Variants in DTWD1 observed in about 807,000 individuals in gnomAD.
The protein encoded by DTWD1 is tRNA-uridine aminocarboxypropyltransferase 1.
A neutral mutation model predicts 30.2 loss-of-function variants in DTWD1; 27 were observed. That is an observed-to-expected ratio of 0.90 (90% CI 0.66 to 1.23). The LOEUF (loss-of-function observed/expected upper bound fraction) is 1.23. DTWD1 is among the 50% of genes most tolerant of loss of function. The pLI is 0.00. For synonymous variants in DTWD1, 99 were observed against 113.1 expected, an observed-to-expected ratio of 0.88 and a Z score of 0.79; for missense variants, 342 against 348.8, an observed-to-expected ratio of 0.98 and a Z score of 0.15.
chr15:49,639,691 A>G (rs1598664132), intron 4 of DTWD1, among the ~76,000 whole-genome samples: 1 of 152,360 alleles, frequency 6.6e-6, no homozygotes. Flanking sequence ...ATGCATACAT[A>G]TATGAGAATG....
chr15:49,621,336 A>G (rs966820771), intron 1 of DTWD1: 1 of 152,064 alleles, frequency 6.6e-6, no homozygotes, highest in Non-Finnish European at 1.5e-5. Flanking sequence ...AAAGGTTTCC[A>G]AATTTTTCCT....
intron 4 of DTWD1, among the ~76,000 whole-genome samples, chr15:49,637,294 A>G (rs2079014371): frequency 6.6e-6 from 1 of 152,130 alleles, no homozygotes; most frequent in African/African-American, 2.4e-5. Flanking sequence ...GTTCTCTCAA[A>G]TTTTGCCAGT....
intron 2 of DTWD1, among the ~76,000 whole-genome samples, chr15:49,629,250 A>G (rs1376154244): frequency 6.6e-6 from 1 of 152,214 alleles, no homozygotes; most frequent in African/African-American, 2.4e-5. Flanking sequence ...GAGAGATCTC[A>G]CGCTCATGGA....
rs561646005 is a variant in DTWD1 at position 49,655,361 on chromosome 15, GA to G, written c.*11784del. 9 of 152,182 alleles carry G rather than the reference GA, an allele frequency of 5.9e-5. No homozygotes were observed. In the South Asian group the frequency reaches 1.5e-3, roughly 25 times the overall value. The allele number at this position is 152,182 out of a possible 1,614,324, so 9.4% of individuals were successfully genotyped here. A position where few individuals can be genotyped will look rare whatever the true frequency, so the allele number is the denominator to read the frequency against. ...TACAACAGTCTTTTCGTTAGTAGAAGAGGGGGTAAGAAAGAAAGACTTATGA... is the reference window on the plus strand; with the variant it reads ...TACAACAGTCTTTTCGTTAGTAGAAGGGGGGTAAGAAAGAAAGACTTATGA... On this transcript the variant is annotated 3_prime_UTR_variant, in exon 5 of 5. Transcript: ENST00000403028.
intron 2 of DTWD1, chr15:49,631,157 T>C: frequency 5.5e-6 from 1 of 182,228 alleles, no homozygotes; most frequent in South Asian, 1.0e-4. Flanking sequence ...CCAAACCCTC[T>C]CCCCAAACCC....
At position 49,646,419 on chromosome 15, in the gene DTWD1, A is replaced by G. The variant is rs912036641; in HGVS notation, c.*2841A>G. ...CTTTGCCTTAGCTACCACCTCATAT[A>G]GTAACAGATTACCAGCAGGTTTGTA... On this transcript the variant is annotated 3_prime_UTR_variant, in exon 5 of 5. Coordinates refer to ENST00000403028, the MANE Select transcript of DTWD1 (RefSeq NM_001144955.2). The G allele has an allele frequency of 2.0e-5, 3 of 152,122 alleles. No individual in the cohort carries two copies. The highest frequency in any genetic ancestry group is 4.4e-5 in the Non-Finnish European group (3 of 68,024). The allele number at this position is 152,122 out of a possible 1,614,324, so 9.4% of individuals were successfully genotyped here. A position where few individuals can be genotyped will look rare whatever the true frequency, so the allele number is the denominator to read the frequency against.
chr15:49,634,514 A>G (rs1292874184), intron 3 of DTWD1, 22 bp from the exon 4 acceptor site: 2 of 1,585,420 alleles, frequency 1.3e-6, no homozygotes, highest in African/African-American at 2.7e-5. Flanking sequence ...GCACACTGCT[A>G]ACCCAATTTT....
chr15:49,630,885 T>C (rs1329026098), intron 2 of DTWD1: 1 of 245,766 alleles, frequency 4.1e-6, no homozygotes, highest in African/African-American at 2.3e-5. Flanking sequence ...GCGGCAGCAT[T>C]AGATTCTCAT....
intron 1 of DTWD1, among the ~76,000 whole-genome samples, chr15:49,623,138 G>T (rs1283915226): frequency 6.6e-6 from 1 of 152,118 alleles, no homozygotes; most frequent in Admixed American, 6.5e-5. Context: ...CTATGCCTGG[G>T]CCTTTGAGTG....
Position 49,634,785 on chromosome 15 carries a change from C to G in DTWD1, c.658C>G (p.Arg220Gly), listed in dbSNP as rs756380602. The change falls in exon 4 of 5, where the codon CGA becomes GGA. Residue 220 changes from arginine (R) to glycine (G), a missense_variant. Coordinates refer to ENST00000403028, the MANE Select transcript of DTWD1 (RefSeq NM_001144955.2). ...AACAAACAAAATATTCACTGATGAG[C>G]GACTTCAAGGTAAAAAAAAAATGTT... ...NQTNKIFTDE[R>G]LQGLLQVELK... 1.9e-6 allele frequency: 3 copies of G among 1,561,852 alleles called. No individual in the cohort carries two copies. Among genetic ancestry groups the G allele is most frequent in the Non-Finnish European group, 2.6e-6 (3 of 1,158,312 alleles).
intron 2 of DTWD1, among the ~76,000 whole-genome samples, chr15:49,631,710 G>A (rs868521541): frequency 1.5e-4 from 23 of 151,666 alleles, no homozygotes; most frequent in Admixed American, 5.9e-4. Context: ...GCAGTGAGCC[G>A]AGATCACACC....
chr15:49,630,873 C>G, intron 2 of DTWD1: 1 of 247,696 alleles, frequency 4.0e-6, no homozygotes, highest in Non-Finnish European at 8.6e-6. Flanking sequence ...CCTGTCAGAT[C>G]AGCGGCAGCA....
rs992184736 is a variant in DTWD1 at position 49,643,229 on chromosome 15, A to G, written c.668-102A>G. 1.4e-5 allele frequency: 19 copies of G among 1,316,600 alleles called. No homozygotes were observed. The South Asian group carries it at 3.6e-4, about 25-fold the overall frequency. 81.6% of individuals were successfully genotyped at this position (1,316,600 alleles called of 1,614,324 possible). On this transcript the variant is annotated intron_variant, in intron 4 of 4. Transcript: ENST00000403028. ...CAGTCTTTAAAAAAAAATTCTTAGA[A>G]TAATTAAGAGAAATCATTATTATTG...
chr15:49,625,011 A>G lies in DTWD1; in HGVS notation c.-55-102A>G, dbSNP rs1598639397. ...TTAAAACATGTTTAATAAGTACTAA[A>G]ACAGCACACAATTGTGACTTAAATT... On this transcript the variant is annotated intron_variant, in intron 1 of 4. Transcript: ENST00000403028. 6.8e-6 allele frequency: 5 copies of G among 734,044 alleles called. No individual in the cohort carries two copies. In the East Asian group the frequency reaches 1.4e-4, roughly 20 times the overall value. 45.5% of individuals were successfully genotyped at this position (734,044 alleles called of 1,614,324 possible). A position where few individuals can be genotyped will look rare whatever the true frequency, so the allele number is the denominator to read the frequency against.
chr15:49,642,863 A>G (rs2079081632), intron 4 of DTWD1, among the ~76,000 whole-genome samples: 1 of 152,128 alleles, frequency 6.6e-6, no homozygotes, highest in South Asian at 2.1e-4. Flanking sequence ...AGTTTGAGGT[A>G]ACTGTGAGCT....
chr15:49,631,607 A>T (rs1296323059), intron 2 of DTWD1, among the ~76,000 whole-genome samples: 1 of 152,090 alleles, frequency 6.6e-6, no homozygotes, highest in African/African-American at 2.4e-5. Flanking sequence ...TACTAAAAAA[A>T]TACAACAATT....
chr15:49,621,557 A>G (rs1055067843), intron 1 of DTWD1, among the ~76,000 whole-genome samples: 2 of 152,150 alleles, frequency 1.3e-5, no homozygotes, highest in Admixed American at 1.3e-4. Context: ...TATTTAAAAT[A>G]TTGAGGTTGT....
intron 2 of DTWD1, 192 bp downstream of exon 2, chr15:49,625,623 G>T: frequency 1.7e-6 from 1 of 587,642 alleles, no homozygotes. Context: ...CTGCAGAAGG[G>T]TGCTGCGCCT....
rs1413422210 is a variant in DTWD1, at chr15:49,651,173, G to T, written c.*7595G>T. On this transcript the variant is annotated 3_prime_UTR_variant, in exon 5 of 5. Coordinates refer to ENST00000403028, the MANE Select transcript of DTWD1 (RefSeq NM_001144955.2). ...TTTGGTTGCATACAAATCTCATCTAGAATTTAATAGTCCAAGTAGCCAAAC... is the reference window on the plus strand; with the variant it reads ...TTTGGTTGCATACAAATCTCATCTATAATTTAATAGTCCAAGTAGCCAAAC... 2.0e-5 allele frequency: 3 copies of T among 152,136 alleles called. No homozygotes were observed. The highest frequency in any genetic ancestry group is 7.2e-5 in the African/African-American group (3 of 41,438). 9.4% of individuals were successfully genotyped at this position (152,136 alleles called of 1,614,324 possible).
Sources: allele counts gnomAD v4.1 joint callset (sites outside exome capture counted in the v4.1 genomes callset), GRCh38; gene constraint gnomAD v4.1.1; transcripts MANE v1.5; gene names NCBI Gene and HGNC (gene_info 2026-07-23, HGNC 2026-07-21).